The following FRMD4A variants were observed in gnomAD, a reference collection of about 807,000 sequenced individuals.
FRMD4A encodes the protein FERM domain containing 4A, also known as FERM domain-containing protein 4A.
In FRMD4A, 29 loss-of-function variants were observed where a neutral mutation model predicts 129.1. The observed-to-expected ratio is 0.22, with a 90% CI of 0.17 to 0.31. The LOEUF (loss-of-function observed/expected upper bound fraction) is 0.31. Ranked by LOEUF, FRMD4A falls within the 10% of genes least tolerant of loss-of-function variation. FRMD4A has a pLI of 1.00. For synonymous variants in FRMD4A, 634 were observed against 571.6 expected (o/e 1.11, Z -1.56); for missense variants, 1,272 against 1,375.8 (o/e 0.92, Z 1.19).
At chr10:13,878,822 G>GGGAGGGAAGGAAGGAAGGAACGAAGGAA (rs1554953625) in intron 2 of FRMD4A, among the ~76,000 whole-genome samples, 1 of 140,774 alleles carries the variant, frequency 7.1e-6, no homozygotes, top group Admixed American at 7.3e-5. Context: ...GAGGGAGGGA[G>GGGAGGGAAGGAAGGAAGGAACGAAGGAA]GGAAGGAAGG....
At chr10:13,853,844 A>G (rs2400021) in intron 3 of FRMD4A, among the ~76,000 whole-genome samples, 64,890 of 146,458 alleles carry the variant, frequency 0.44, 14,994 homozygotes, top group Non-Finnish European at 0.5. Context: ...AAAAAAAAAA[A>G]AAAAAAAAAC....
chr10:13,977,829 T>G (rs2095547382), intron 2 of FRMD4A, among the ~76,000 whole-genome samples: 1 of 152,226 alleles, frequency 6.6e-6, no homozygotes, highest in Non-Finnish European at 1.5e-5. Flanking sequence ...GCCAGTACAT[T>G]TCTTTTCTTT....
In FRMD4A at chr10:14,220,441, C is replaced by T. The variant is rs150862463; in HGVS notation, c.45+109617G>A. Among the ~76,000 whole-genome samples, 466 of 152,318 alleles carry T rather than the reference C, an allele frequency of 3.1e-3. 2 individuals carry two copies. The highest frequency in any genetic ancestry group is 4.9e-3 in the Admixed American group (75 of 15,306). Reference sequence around the variant, plus strand: ...TGACTTTTAGGGAGGTGATGTTCCCCATTAGTCAATCCCCTCCATGCCCCA... The same window carrying T: ...TGACTTTTAGGGAGGTGATGTTCCCTATTAGTCAATCCCCTCCATGCCCCA... On this transcript the variant is annotated intron_variant, in intron 2 of 24. Coordinates refer to ENST00000357447, the MANE Select transcript of FRMD4A (RefSeq NM_018027.5).
chr10:14,110,800 T>C (rs564584584), intron 2 of FRMD4A, among the ~76,000 whole-genome samples: 2 of 152,302 alleles, frequency 1.3e-5, no homozygotes, highest in East Asian at 3.9e-4. Flanking sequence ...TAATGGTTAT[T>C]TAAATTTTTT....
At chr10:14,055,592 A>C (rs1445227853) in intron 2 of FRMD4A, among the ~76,000 whole-genome samples, 4 of 152,204 alleles carry the variant, frequency 2.6e-5, no homozygotes, top group Non-Finnish European at 5.9e-5. Flanking sequence ...AAAGGTTAAA[A>C]ACTGTACATT....
At position 14,204,053 on chromosome 10, in the gene FRMD4A, A is replaced by G. The variant is rs138557248; in HGVS notation, c.45+126005T>C. ...TTCATTAGTAGGCATTAGAAAAGCT[A>G]GTCAACTTTCTTATTTAATCAGGTG... On this transcript the variant is annotated intron_variant, in intron 2 of 24. Coordinates refer to ENST00000357447, the MANE Select transcript of FRMD4A (RefSeq NM_018027.5). Among the ~76,000 whole-genome samples, 87 of 152,354 alleles carry G rather than the reference A, an allele frequency of 5.7e-4. 1 individual carries two copies. The highest frequency in any genetic ancestry group is 2.0e-3 in the African/African-American group (84 of 41,588).
rs752538869 is a variant in FRMD4A at position 13,654,451 on chromosome 10, TG to T, written c.3014del (p.Pro1005GlnfsTer8). On this transcript the variant is annotated frameshift_variant, in exon 23 of 25. Coordinates refer to ENST00000357447, the MANE Select transcript of FRMD4A (RefSeq NM_018027.5). LOFTEE classifies it high-confidence loss of function. ...TPSSEIGATPPSSPHHILTWQ... is the reference protein window; with the variant it reads ...TPSSEIGATPXSSPHHILTWQ... ...AGGTTAGGATGTGGTGGGGGCTGCT[TG>T]GGGGGGTGGCTCCAATTTCACTTGA... 6 of 1,611,024 alleles carry T rather than the reference TG, an allele frequency of 3.7e-6. No individual in the cohort carries two copies. The highest frequency in any genetic ancestry group is 5.1e-6 in the Non-Finnish European group (6 of 1,177,420).
At chr10:13,705,571 TCC>T (rs1233192122) in intron 13 of FRMD4A, among the ~76,000 whole-genome samples, 1 of 152,080 alleles carries the variant, frequency 6.6e-6, no homozygotes, top group East Asian at 1.9e-4. Context: ...TACTTAAATT[TCC>T]CCTCTCTTAC....
chr10:14,119,399 G>A (rs907780356), intron 2 of FRMD4A, among the ~76,000 whole-genome samples: 2 of 152,218 alleles, frequency 1.3e-5, no homozygotes, highest in Non-Finnish European at 2.9e-5. Context: ...CCTGAACGAG[G>A]AGAAGGGACA....
intron 2 of FRMD4A, among the ~76,000 whole-genome samples, chr10:14,067,797 A>G (rs765105513): frequency 3.3e-5 from 5 of 152,242 alleles, no homozygotes; most frequent in Admixed American, 6.5e-5. Flanking sequence ...AGCCTGGGTA[A>G]CAGAGCGAGA....
intron 12 of FRMD4A, among the ~76,000 whole-genome samples, chr10:13,717,692 GT>G (rs35059886): frequency 0.37 from 35,359 of 94,530 alleles, 6,318 homozygotes; most frequent in East Asian, 0.45. Flanking sequence ...TGTTGTTCTT[GT>G]TTTTTTTTTT....
chr10:13,860,560 A>G (rs1178062742), intron 2 of FRMD4A, among the ~76,000 whole-genome samples: 1 of 152,190 alleles, frequency 6.6e-6, no homozygotes, highest in East Asian at 1.9e-4. Flanking sequence ...CCCATTAAAT[A>G]CAGTTCTTTT....
intron 2 of FRMD4A, among the ~76,000 whole-genome samples, chr10:14,113,432 G>C (rs114295532): frequency 0.015 from 2,242 of 152,118 alleles, 55 homozygotes; most frequent in African/African-American, 0.049. Context: ...CTTTTCTCTA[G>C]CTTACTTTAT....
At chr10:13,882,366 A>G (rs917859749) in intron 2 of FRMD4A, among the ~76,000 whole-genome samples, 1 of 152,228 alleles carries the variant, frequency 6.6e-6, no homozygotes, top group Non-Finnish European at 1.5e-5. Flanking sequence ...CAACGCAGAA[A>G]GAGGAAGCTC....
At chr10:14,095,890 G>A (rs568057929) in intron 2 of FRMD4A, among the ~76,000 whole-genome samples, 44 of 152,286 alleles carry the variant, frequency 2.9e-4, no homozygotes, top group Non-Finnish European at 5.3e-4. Context: ...CACTGTCCAC[G>A]AATCAATAAA....
At position 13,694,085 on chromosome 10, in the gene FRMD4A, C is replaced by A. The variant is rs200406670; in HGVS notation, c.976-46G>T. The stretch of plus-strand genomic sequence containing the variant: ...GGTCAAAGAAGTGACGCTCACCTTG[C>A]GGAAAGGACAGTCATCCCTCGCCCG... On this transcript the variant is annotated intron_variant, in intron 14 of 24. Transcript: ENST00000357447. 5.4e-6 allele frequency: 8 copies of A among 1,476,738 alleles called. No homozygotes were observed. In the African/African-American group the frequency reaches 8.5e-5, roughly 16 times the overall value. The allele number at this position is 1,476,738 out of a possible 1,614,324, so 91.5% of individuals were successfully genotyped here.
At chr10:14,318,412 A>C (rs1468942688) in intron 2 of FRMD4A, among the ~76,000 whole-genome samples, 2 of 151,998 alleles carry the variant, frequency 1.3e-5, no homozygotes, top group African/African-American at 2.4e-5. Flanking sequence ...AAGGAAAAAA[A>C]CATTATTGCC....
At chr10:14,306,181 G>A (rs1373688182) in intron 2 of FRMD4A, among the ~76,000 whole-genome samples, 1 of 152,150 alleles carries the variant, frequency 6.6e-6, no homozygotes, top group Non-Finnish European at 1.5e-5. Context: ...TTTTAAAAAA[G>A]AAAGAAATTC....
chr10:13,971,247 C>T (rs530009457), intron 2 of FRMD4A, among the ~76,000 whole-genome samples: 13 of 152,324 alleles, frequency 8.5e-5, no homozygotes, highest in Non-Finnish European at 1.5e-4. Flanking sequence ...GTGAGAGGAG[C>T]GTGGATTTGT....
Sources: allele counts gnomAD v4.1 joint callset (sites outside exome capture counted in the v4.1 genomes callset), GRCh38; gene constraint gnomAD v4.1.1; transcripts MANE v1.5; gene names NCBI Gene and HGNC (gene_info 2026-07-23, HGNC 2026-07-21).